TDRD7: variants seen among roughly 807,000 people sequenced by gnomAD.
TDRD7 encodes the protein tudor domain-containing protein 7.
In TDRD7, 47 loss-of-function variants were observed where a neutral mutation model predicts 109.8. The ratio of observed to expected loss-of-function variants is 0.43; its 90% confidence interval spans 0.34 to 0.55. The LOEUF (loss-of-function observed/expected upper bound fraction) is 0.55. Among genes scored for constraint, TDRD7 ranks in the 20% least tolerant of loss-of-function variants. TDRD7 has a pLI of 0.03. For synonymous variants in TDRD7, 424 were observed against 457.3 expected (o/e 0.93, Z 0.93); for missense variants, 1,164 against 1,319.2 (o/e 0.88, Z 1.82).
intron 8 of TDRD7, 105 bp from the exon 9 acceptor site, chr9:97,470,453 A>G: frequency 9.2e-7 from 1 of 1,083,834 alleles, no homozygotes; most frequent in Non-Finnish European, 1.4e-6. Context: ...CCACTCTGCC[A>G]CTCAGCTTGC....
At chr9:97,478,609 A>C (rs1426719276) in intron 13 of TDRD7, 36 bp downstream of exon 13, 1 of 1,612,988 alleles carries the variant, frequency 6.2e-7, no homozygotes, top group African/African-American at 1.3e-5. Flanking sequence ...TTGCTGGAAC[A>C]GATTTGGATG....
chr9:97,429,212 G>A (rs188584434), intron 2 of TDRD7, among the ~76,000 whole-genome samples: 8 of 152,080 alleles, frequency 5.3e-5, no homozygotes, highest in Admixed American at 2.0e-4. Flanking sequence ...TCATTATACC[G>A]TTTTAAATCC....
chr9:97,465,352 T>G (rs1408515868), intron 8 of TDRD7, among the ~76,000 whole-genome samples: 1 of 152,202 alleles, frequency 6.6e-6, no homozygotes, highest in African/African-American at 2.4e-5. Context: ...GTGGGCCTCT[T>G]ATCAAGGCCA....
intron 3 of TDRD7, 138 bp downstream of exon 3, chr9:97,431,212 C>T: frequency 2.3e-6 from 3 of 1,313,612 alleles, no homozygotes; most frequent in East Asian, 2.4e-5. Context: ...GATCCTGAAG[C>T]TAGCATTTCC....
chr9:97,433,126 C>G (rs1011114446), intron 4 of TDRD7, among the ~76,000 whole-genome samples: 2 of 152,062 alleles, frequency 1.3e-5, no homozygotes, highest in African/African-American at 4.8e-5. Flanking sequence ...GTATTATATT[C>G]CTTTAAATCA....
chr9:97,445,828 A>G (rs890424802), intron 6 of TDRD7, among the ~76,000 whole-genome samples: 9 of 152,178 alleles, frequency 5.9e-5, no homozygotes, highest in Non-Finnish European at 1.2e-4. Context: ...TGATTTCTAG[A>G]AAAATTACAA....
At chr9:97,486,850 G>T (rs1034445730) in intron 15 of TDRD7, among the ~76,000 whole-genome samples, 1 of 152,082 alleles carries the variant, frequency 6.6e-6, no homozygotes, top group African/African-American at 2.4e-5. Flanking sequence ...GCTTTGTCCT[G>T]GTCATCCTCC....
chr9:97,431,321 C>T (rs184094097), intron 3 of TDRD7, among the ~76,000 whole-genome samples: 58 of 152,154 alleles, frequency 3.8e-4, no homozygotes, highest in Non-Finnish European at 4.9e-4. Context: ...GAGCTTGTTA[C>T]GGTAGTGTGT....
intron 1 of TDRD7, among the ~76,000 whole-genome samples, chr9:97,420,496 A>C (rs1827882209): frequency 6.6e-6 from 1 of 152,104 alleles, no homozygotes. Flanking sequence ...CTGTGTCTGT[A>C]GTTTCGCCTT....
intron 1 of TDRD7, among the ~76,000 whole-genome samples, chr9:97,427,884 A>T (rs1828028470): frequency 6.6e-6 from 1 of 152,152 alleles, no homozygotes; most frequent in Admixed American, 6.5e-5. Flanking sequence ...TCTAAAATAC[A>T]GAGCTGATCA....
intron 1 of TDRD7, among the ~76,000 whole-genome samples, chr9:97,417,202 G>C (rs1324488937): frequency 6.6e-6 from 1 of 152,178 alleles, no homozygotes; most frequent in Non-Finnish European, 1.5e-5. Flanking sequence ...TGGAGCCCAG[G>C]ATGGGTGAAT....
At chr9:97,451,016 GC>G (rs1256054858) in intron 6 of TDRD7, among the ~76,000 whole-genome samples, 2 of 151,724 alleles carry the variant, frequency 1.3e-5, no homozygotes, top group Non-Finnish European at 2.9e-5. Context: ...GGGACTTTCA[GC>G]CCCAACCAAC....
chr9:97,416,619 A>G (rs1205136666), intron 1 of TDRD7, among the ~76,000 whole-genome samples: 3 of 152,188 alleles, frequency 2.0e-5, no homozygotes, highest in Non-Finnish European at 4.4e-5. Flanking sequence ...AATCTACTTG[A>G]TGATTCTCAA....
chr9:97,423,860 G>T (rs1827939868), intron 1 of TDRD7, among the ~76,000 whole-genome samples: 1 of 151,968 alleles, frequency 6.6e-6, no homozygotes, highest in Non-Finnish European at 1.5e-5. Flanking sequence ...TCTATTCACA[G>T]AATATACTTT....
rs550119602 is a variant in TDRD7, at chr9:97,422,059, A to G, written c.-6-6401A>G. Among the ~76,000 whole-genome samples the G allele has an allele frequency of 3.3e-5, 5 of 152,278 alleles. No individual in the cohort carries two copies. In the East Asian group the frequency reaches 5.8e-4, roughly 18 times the overall value. ...ATGACCAGTTTTACTAGCACTGTTC[A>G]TTGAACTTTCTTCATTGAATTTCCT... On this transcript the variant is annotated intron_variant, in intron 1 of 16. Transcript: ENST00000355295.
Position 97,470,451 on chromosome 9 carries a change from C to T in TDRD7, c.1630-107C>T, listed in dbSNP as rs1477300819. ...CCAGCTTTTTCCAGGTGCCACTCTGCCACTCAGCTTGCTGATCATGGAATA... is the reference window on the plus strand; with the variant it reads ...CCAGCTTTTTCCAGGTGCCACTCTGTCACTCAGCTTGCTGATCATGGAATA... On this transcript the variant is annotated intron_variant, in intron 8 of 16. Coordinates refer to ENST00000355295, the MANE Select transcript of TDRD7 (RefSeq NM_014290.3). 9 of 1,040,072 alleles carry T rather than the reference C, an allele frequency of 8.7e-6. No individual in the cohort carries two copies. The Admixed American group carries it at 1.4e-4, about 16-fold the overall frequency. The allele number at this position is 1,040,072 out of a possible 1,614,324, so 64.4% of individuals were successfully genotyped here. A position where few individuals can be genotyped will look rare whatever the true frequency, so the allele number is the denominator to read the frequency against.
At chr9:97,457,024 T>C (rs113925836) in intron 6 of TDRD7, among the ~76,000 whole-genome samples, 10 of 152,236 alleles carry the variant, frequency 6.6e-5, no homozygotes, top group African/African-American at 2.4e-4. Flanking sequence ...GAACAGACAC[T>C]TCTCAAAAGA....
intron 12 of TDRD7, among the ~76,000 whole-genome samples, chr9:97,475,838 T>A (rs1018012711): frequency 6.6e-6 from 1 of 152,212 alleles, no homozygotes; most frequent in African/African-American, 2.4e-5. Flanking sequence ...ACTAAATGAA[T>A]AAATATTTTC....
intron 8 of TDRD7, among the ~76,000 whole-genome samples, chr9:97,468,804 A>G (rs775636246): frequency 1.3e-5 from 2 of 152,168 alleles, no homozygotes; most frequent in Admixed American, 1.3e-4. Context: ...AGAACCAGGA[A>G]TGGACTGGGG....
Sources: gnomAD v4.1 joint callset for allele counts (sites outside exome capture counted in the v4.1 genomes callset) on GRCh38, gnomAD v4.1.1 for gene constraint, MANE v1.5 for transcripts, NCBI Gene and HGNC (gene_info 2026-07-23, HGNC 2026-07-21) for gene names.